The following EFCAB14 variants were observed in gnomAD, a reference collection of about 807,000 sequenced individuals.
EFCAB14 encodes EF-hand calcium-binding domain-containing protein 14.
Under a neutral mutation model 56.5 loss-of-function variants are expected in EFCAB14, and 43 were observed. The observed-to-expected ratio is 0.76, with a 90% CI of 0.60 to 0.98. The LOEUF is 0.98. Among genes scored for constraint, EFCAB14 ranks in the 50% least tolerant of loss-of-function variants. The pLI is 0.00. For missense variants in EFCAB14, 538 were observed against 580.3 expected (o/e 0.93, Z 0.75); for synonymous variants, 235 against 212.9 (o/e 1.10, Z -0.90).
In EFCAB14 at chr1:46,718,110, G is replaced by A; in HGVS notation, c.-23C>T. The A allele has an allele frequency of 1.2e-6, 2 of 1,609,336 alleles. No homozygotes were observed. On this transcript the variant is annotated 5_prime_UTR_variant, in exon 1 of 11. Transcript: ENST00000371933. ...CATCTTTTTGTGTGGGGTGAGTGGA[G>A]CCCCGACTCCTGAGCTGCCAGGTTC...
intron 3 of EFCAB14, among the ~76,000 whole-genome samples, chr1:46,704,900 CTTT>C (rs11443920): frequency 6.7e-6 from 1 of 150,154 alleles, no homozygotes; most frequent in Non-Finnish European, 1.5e-5. Context: ...AAACTAATGG[CTTT>C]TTTTTCAGAT....
At position 46,675,777 on chromosome 1, in the gene EFCAB14, T is replaced by C. The variant is rs1676684990; in HGVS notation, c.*2684A>G. 1 of 152,192 alleles carries C rather than the reference T, an allele frequency of 6.6e-6. No homozygotes were observed. Among genetic ancestry groups the C allele is most frequent in the Admixed American group, 6.5e-5 (1 of 15,282 alleles). 9.4% of individuals were successfully genotyped at this position (152,192 alleles called of 1,614,324 possible). ...AAGTCAGGTTTTCTCTTCTTTTGGT[T>C]CTTCTTTTTATATGCTACCTTTTTG... On this transcript the variant is annotated 3_prime_UTR_variant, in exon 11 of 11. Coordinates refer to ENST00000371933, the MANE Select transcript of EFCAB14 (RefSeq NM_014774.3).
intron 8 of EFCAB14, chr1:46,686,581 C>A: frequency 1.7e-6 from 1 of 579,834 alleles, no homozygotes; most frequent in Non-Finnish European, 3.1e-6. Flanking sequence ...GTCCCCCCAG[C>A]TCCTACTAAA....
Position 46,696,624 on chromosome 1 carries a change from T to C in EFCAB14, c.506A>G (p.Asn169Ser). The change falls in exon 4 of 11, where the codon AAC (asparagine) becomes AGC (serine). Residue 169 changes from asparagine (N) to serine (S), a missense_variant. By Grantham distance (46) the Asn-to-Ser change is conservative. Transcript: ENST00000371933. Reference protein sequence around the residue: ...KQISLLTSAVNHLKANVKSAA... With the variant: ...KQISLLTSAVSHLKANVKSAA... Reference sequence around the variant, plus strand: ...TGACTTAACATTGGCTTTGAGGTGGTTCACTGCAGAAGTCAACAGAGAAAT... The same window carrying C: ...TGACTTAACATTGGCTTTGAGGTGGCTCACTGCAGAAGTCAACAGAGAAAT... 1 of 1,613,466 alleles carries C rather than the reference T, an allele frequency of 6.2e-7. No individual in the cohort carries two copies. The highest frequency in any genetic ancestry group is 8.5e-7 in the Non-Finnish European group (1 of 1,179,608).
At chr1:46,702,338 G>C (rs545157831) in intron 3 of EFCAB14, among the ~76,000 whole-genome samples, 2 of 152,284 alleles carry the variant, frequency 1.3e-5, no homozygotes, top group South Asian at 4.1e-4. Context: ...GTGATTATTA[G>C]TCCTAGCAGG....
chr1:46,688,329 C>T (rs375988910), intron 7 of EFCAB14, 24 bp downstream of exon 7: 25 of 1,607,220 alleles, frequency 1.6e-5, no homozygotes, highest in South Asian at 2.2e-5. Flanking sequence ...CACTGCATGT[C>T]ACAAAAGATC....
intron 3 of EFCAB14, among the ~76,000 whole-genome samples, chr1:46,696,854 T>G (rs2148845595): frequency 6.6e-6 from 1 of 152,310 alleles, no homozygotes; most frequent in East Asian, 1.9e-4. Context: ...CTTCTTTCCC[T>G]GCCCAATTTG....
chr1:46,684,356 C>T (rs1676844114), intron 9 of EFCAB14, 135 bp downstream of exon 9: 1 of 656,494 alleles, frequency 1.5e-6, no homozygotes. Flanking sequence ...CAAAGTGTAT[C>T]AGCTTCATCT....
intron 4 of EFCAB14, among the ~76,000 whole-genome samples, chr1:46,693,701 T>C (rs1489161495): frequency 6.6e-6 from 1 of 152,204 alleles, no homozygotes; most frequent in Non-Finnish European, 1.5e-5. Context: ...TTTTTTTCTT[T>C]TCTTTTTTCC....
chr1:46,698,880 C>G (rs989912577), intron 3 of EFCAB14, among the ~76,000 whole-genome samples: 4 of 152,132 alleles, frequency 2.6e-5, no homozygotes, highest in Non-Finnish European at 5.9e-5. Flanking sequence ...ATGGAGACAC[C>G]TTGGAGGAAG....
In EFCAB14 at chr1:46,718,307, T is replaced by A. The variant is rs1178220306; in HGVS notation, c.-220A>T. 10 of 502,940 alleles carry A rather than the reference T, an allele frequency of 2.0e-5. No individual in the cohort carries two copies. The highest frequency in any genetic ancestry group is 3.6e-5 in the Non-Finnish European group (10 of 280,302). The allele number at this position is 502,940 out of a possible 1,614,324, so 31.2% of individuals were successfully genotyped here. A position where few individuals can be genotyped will look rare whatever the true frequency, so the allele number is the denominator to read the frequency against. ...ACTCAGATGGGTGGGGGAAATCACA[T>A]AGAAATGGCCAAGGAGCTGGTGACC... is the stretch of plus-strand genomic sequence containing the variant. On this transcript the variant is annotated 5_prime_UTR_variant, in exon 1 of 11. It removes an upstream start codon present in the reference 5' UTR. Transcript: ENST00000371933.
chr1:46,695,270 T>C (rs1310943335), intron 4 of EFCAB14, among the ~76,000 whole-genome samples: 1 of 152,234 alleles, frequency 6.6e-6, no homozygotes, highest in Non-Finnish European at 1.5e-5. Flanking sequence ...CTGTGAGAGC[T>C]GCTTCTGTAC....
intron 4 of EFCAB14, 115 bp downstream of exon 4, chr1:46,696,436 T>C (rs2148845407): frequency 2.0e-6 from 2 of 978,634 alleles, no homozygotes; most frequent in Non-Finnish European, 3.1e-6. Context: ...TTGGAGCAGC[T>C]GATTTCAAAT....
chr1:46,678,682 C>A, intron 10 of EFCAB14, 46 bp from the exon 11 acceptor site: 2 of 1,511,536 alleles, frequency 1.3e-6, no homozygotes, highest in Non-Finnish European at 1.8e-6. Context: ...AAACATACAG[C>A]TAAATTTAGT....
At position 46,676,752 on chromosome 1, in the gene EFCAB14, C is replaced by T. The variant is rs1054368379; in HGVS notation, c.*1709G>A. On this transcript the variant is annotated 3_prime_UTR_variant, in exon 11 of 11. Coordinates refer to ENST00000371933, the MANE Select transcript of EFCAB14 (RefSeq NM_014774.3). ...CCAAGAAAGTGAAACTGAGCATAAGCTATAATGAGATAAGGGGACACATTC... is the reference window on the plus strand; with the variant it reads ...CCAAGAAAGTGAAACTGAGCATAAGTTATAATGAGATAAGGGGACACATTC... 6.6e-6 allele frequency: 1 copy of T among 152,342 alleles called. No individual in the cohort carries two copies. Among genetic ancestry groups the T allele is most frequent in the Non-Finnish European group, 1.5e-5 (1 of 68,010 alleles). The allele number at this position is 152,342 out of a possible 1,614,324, so 9.4% of individuals were successfully genotyped here.
intron 9 of EFCAB14, 170 bp downstream of exon 9, chr1:46,684,321 A>G: frequency 3.4e-6 from 2 of 589,770 alleles, no homozygotes; most frequent in Non-Finnish European, 3.0e-6. Context: ...AATCATGTAC[A>G]AAATGGGCCT....
At chr1:46,700,858 A>G (rs1677144076) in intron 3 of EFCAB14, among the ~76,000 whole-genome samples, 2 of 152,166 alleles carry the variant, frequency 1.3e-5, no homozygotes, top group African/African-American at 4.8e-5. Context: ...CACGCATGTT[A>G]ACCCATAGGC....
At chr1:46,698,418 C>T (rs916205442) in intron 3 of EFCAB14, among the ~76,000 whole-genome samples, 15 of 152,124 alleles carry the variant, frequency 9.9e-5, no homozygotes, top group African/African-American at 3.6e-4. Flanking sequence ...TGCAAGCAGA[C>T]AGACACTTTT....
At chr1:46,683,794 G>T (rs963751371) in intron 9 of EFCAB14, among the ~76,000 whole-genome samples, 1 of 152,228 alleles carries the variant, frequency 6.6e-6, no homozygotes, top group Non-Finnish European at 1.5e-5. Context: ...CAGTCTAGGG[G>T]TATGTGCCAC....
Sources: allele counts gnomAD v4.1 joint callset (sites outside exome capture counted in the v4.1 genomes callset), GRCh38; gene constraint gnomAD v4.1.1; transcripts MANE v1.5; gene names NCBI Gene and HGNC (gene_info 2026-07-23, HGNC 2026-07-21).